XIAP: variants seen among roughly 807,000 people sequenced by gnomAD.
XIAP encodes the protein X-linked inhibitor of apoptosis.
Under a neutral mutation model 33.1 loss-of-function variants are expected in XIAP, and 3 were observed. The observed-to-expected ratio is 0.09, with a 90% confidence interval of 0.04 to 0.23. The LOEUF (loss-of-function observed/expected upper bound fraction) is 0.23. Ranked by LOEUF, XIAP falls within the 10% of genes least tolerant of loss-of-function variation. The probability of loss-of-function intolerance (pLI) is 1.00; values close to 1 mark genes in which losing one functional copy is unlikely to be tolerated. For synonymous variants in XIAP, 98 were observed against 121.3 expected (o/e 0.81, Z 1.26); for missense variants, 264 against 363.0 (o/e 0.73, Z 2.22).
intron 5 of XIAP, among the ~76,000 whole-genome samples, 172 bp downstream of exon 5, chrX:123,892,945 C>G (rs1004331257): frequency 9.1e-6 from 1 of 110,414 alleles, no homozygotes; most frequent in Non-Finnish European, 1.9e-5. Context: ...CTCAACCTCC[C>G]GAGTAGCTGG....
intron 3 of XIAP, among the ~76,000 whole-genome samples, chrX:123,890,842 A>G (rs768453082): frequency 8.1e-4 from 87 of 107,624 alleles, no homozygotes; most frequent in Admixed American, 1.2e-3. Context: ...TCAGGAGGCT[A>G]AGGCAGGAGA....
intron 1 of XIAP, 44 bp downstream of exon 1, chrX:123,860,337 C>G (rs200382204): frequency 1.2e-5 from 4 of 325,754 alleles, no homozygotes; most frequent in Non-Finnish European, 2.4e-5. Flanking sequence ...CGCTTTCCCT[C>G]CTTCCCCTCT....
intron 6 of XIAP, among the ~76,000 whole-genome samples, chrX:123,904,324 A>G (rs571290394): frequency 2.7e-4 from 30 of 112,267 alleles, no homozygotes; most frequent in African/African-American, 9.0e-4. Context: ...TTGGCATGAA[A>G]TACACACTTC....
At chrX:123,891,201 TTATC>T (rs2053404144) in intron 3 of XIAP, 33 bp from the exon 4 acceptor site, 2 of 716,582 alleles carry the variant, frequency 2.8e-6, no homozygotes, top group African/African-American at 4.2e-5. Context: ...CTTCACTAAT[TTATC>T]AGCTACTAAA....
chrX:123,882,934 A>G (rs921163771), intron 1 of XIAP, among the ~76,000 whole-genome samples: 72 of 110,964 alleles, frequency 6.5e-4, no homozygotes, highest in African/African-American at 2.1e-3. Flanking sequence ...ATCCGCCATC[A>G]TGCCTGGCTA....
At chrX:123,869,302 G>C (rs1412367720) in intron 1 of XIAP, among the ~76,000 whole-genome samples, 5 of 98,069 alleles carry the variant, frequency 5.1e-5, no homozygotes, top group South Asian at 5.0e-4. Context: ...ATCACTTGAG[G>C]TCAGGAGTTC....
rs746262540 is a variant in XIAP at position 123,891,138 on chromosome X, A to G, written c.978-100A>G. 1.2e-4 allele frequency: 49 copies of G among 419,907 alleles called. No homozygotes were observed. The African/African-American group carries it at 1.2e-3, about 10-fold the overall frequency. The allele number at this position is 419,907 out of a possible 1,213,427, so 34.6% of individuals were successfully genotyped here. ...TGGCTCCTTAGAAGTACTGAAAAGC[A>G]AGTTAATGGAATTAATAGAATTAAT... is the stretch of plus-strand genomic sequence containing the variant. On this transcript the variant is annotated intron_variant, in intron 3 of 6. Coordinates refer to ENST00000371199, the MANE Select transcript of XIAP (RefSeq NM_001167.4).
At chrX:123,899,171 TTATATATATATGATTTTA>T (rs1385189978) in intron 5 of XIAP, among the ~76,000 whole-genome samples, 5 of 23,840 alleles carry the variant, frequency 2.1e-4, no homozygotes, top group Middle Eastern at 0.018. Context: ...ATATATGATT[TTATATATATATGATTTTA>T]TATATATATG....
intron 5 of XIAP, among the ~76,000 whole-genome samples, chrX:123,893,001 T>C (rs1293350777): frequency 9.2e-6 from 1 of 108,865 alleles, no homozygotes; most frequent in Non-Finnish European, 1.9e-5. Flanking sequence ...TTTATATTTT[T>C]AGTAGAGACG....
Position 123,891,618 on chromosome X carries a change from A to G in XIAP, c.1056+302A>G, listed in dbSNP as rs1304995125. ...GATTGCTTGAGCCCAGGAGTTTGAGATCAGCCTAGGCAACATAGTGAGACC... is the reference window on the plus strand; with the variant it reads ...GATTGCTTGAGCCCAGGAGTTTGAGGTCAGCCTAGGCAACATAGTGAGACC... On this transcript the variant is annotated intron_variant, in intron 4 of 6. Transcript: ENST00000371199. 3.6e-5 allele frequency among the ~76,000 whole-genome samples: 4 copies of G among 110,582 alleles called. No homozygotes were observed. The East Asian group carries it at 1.1e-3, about 31-fold the overall frequency.
At position 123,913,110 on chromosome X, in the gene XIAP, G is replaced by T. The variant is rs770052798; in HGVS notation, c.*5929G>T. The T allele has an allele frequency of 3.1e-6, 1 of 326,118 alleles. No homozygotes were observed. The highest frequency in any genetic ancestry group is 2.7e-5 in the African/African-American group (1 of 37,200). The allele number at this position is 326,118 out of a possible 1,213,427, so 26.9% of individuals were successfully genotyped here. Reference sequence around the variant, plus strand: ...GTGATTTTATCTAAGGGACTTAAGCGTCCTCAGGTCCTAGGGGGTCGTGAA... The same window carrying T: ...GTGATTTTATCTAAGGGACTTAAGCTTCCTCAGGTCCTAGGGGGTCGTGAA... On this transcript the variant is annotated 3_prime_UTR_variant, in exon 7 of 7. Transcript: ENST00000371199.
chrX:123,893,241 C>T (rs2053424483), intron 5 of XIAP, among the ~76,000 whole-genome samples: 1 of 109,576 alleles, frequency 9.1e-6, no homozygotes, highest in South Asian at 3.9e-4. Context: ...TTTAGGCGGC[C>T]GGGCGTGGTA....
intron 1 of XIAP, among the ~76,000 whole-genome samples, chrX:123,866,090 G>A (rs1342473046): frequency 6.3e-5 from 7 of 110,701 alleles, no homozygotes; most frequent in African/African-American, 2.0e-4. Flanking sequence ...ACAGGCGCAC[G>A]CCACCACAAC....
intron 1 of XIAP, 52 bp downstream of exon 1, chrX:123,860,345 T>C: frequency 3.1e-6 from 1 of 323,524 alleles, no homozygotes; most frequent in South Asian, 2.6e-5. Context: ...CTCCTTCCCC[T>C]CTCCTCCCTC....
intron 1 of XIAP, among the ~76,000 whole-genome samples, chrX:123,881,044 A>T (rs183404386): frequency 1.8e-5 from 2 of 110,554 alleles, no homozygotes; most frequent in East Asian, 5.7e-4. Context: ...TTGCTTCCAT[A>T]GTGCTATTTT....
At chrX:123,890,263 G>C (rs1293237701) in intron 3 of XIAP, among the ~76,000 whole-genome samples, 1 of 103,058 alleles carries the variant, frequency 9.7e-6, no homozygotes, top group South Asian at 4.5e-4. Flanking sequence ...TGATCCGCCC[G>C]CCTCGGCCTC....
At chrX:123,872,329 T>C (rs1031669378) in intron 1 of XIAP, among the ~76,000 whole-genome samples, 8 of 108,303 alleles carry the variant, frequency 7.4e-5, no homozygotes, top group Admixed American at 6.0e-4. Flanking sequence ...TTTTTTTTTT[T>C]CGTCCTTTTT....
chrX:123,866,181 C>T (rs2053133513), intron 1 of XIAP, among the ~76,000 whole-genome samples: 1 of 109,341 alleles, frequency 9.1e-6, no homozygotes, highest in African/African-American at 3.3e-5. Context: ...CCTCGTGATC[C>T]ACCCACCTCA....
chrX:123,895,763 C>CA (rs2053454066), intron 5 of XIAP, among the ~76,000 whole-genome samples: 1 of 98,545 alleles, frequency 1.0e-5, no homozygotes, highest in South Asian at 4.4e-4. Context: ...TCTCCTTTGA[C>CA]TTTTTTTTTT....
Sources: gnomAD v4.1 joint callset for allele counts (sites outside exome capture counted in the v4.1 genomes callset) on GRCh38, gnomAD v4.1.1 for gene constraint, MANE v1.5 for transcripts, NCBI Gene and HGNC (gene_info 2026-07-23, HGNC 2026-07-21) for gene names.